The following BAZ1B variants were observed in gnomAD, a reference collection of about 807,000 sequenced individuals.
BAZ1B encodes the protein tyrosine-protein kinase BAZ1B.
A neutral mutation model predicts 153.8 loss-of-function variants in BAZ1B; 22 were observed. The ratio of observed to expected loss-of-function variants is 0.14; its 90% confidence interval spans 0.10 to 0.20. The LOEUF (loss-of-function observed/expected upper bound fraction) is 0.20. Among genes scored for constraint, BAZ1B ranks in the 10% least tolerant of loss-of-function variants. BAZ1B has a pLI of 1.00. For missense variants in BAZ1B, 1,325 were observed against 1,799.3 expected, an observed-to-expected ratio of 0.74 and a Z score of 4.77; for synonymous variants, 676 against 633.4, an observed-to-expected ratio of 1.07 and a Z score of -1.01.
intron 3 of BAZ1B, among the ~76,000 whole-genome samples, chr7:73,505,857 G>A (rs564455026): frequency 1.3e-5 from 2 of 152,110 alleles, no homozygotes; most frequent in African/African-American, 4.8e-5. Context: ...AGCCAAGAAC[G>A]CATTTTCAGT....
At chr7:73,478,881 T>A (rs1470883944) in intron 6 of BAZ1B, among the ~76,000 whole-genome samples, 4 of 152,200 alleles carry the variant, frequency 2.6e-5, no homozygotes, top group African/African-American at 7.2e-5. Context: ...GCAGAAATAG[T>A]AGACAAAAAC....
At position 73,498,586 on chromosome 7, in the gene BAZ1B, C is replaced by T; in HGVS notation, c.482G>A (p.Ser161Asn). Residue 161 changes from serine (S) to asparagine (N), a missense_variant, in exon 4 of 20, where the codon AGT (serine) becomes AAT (asparagine). Physicochemically the swap from Ser to Asn is conservative, Grantham distance 46. Around this residue, in one of 9 missense-constraint regions of BAZ1B, gnomAD observed 153 missense variants for 204.8 expected, o/e 0.75. Transcript: ENST00000339594. ...AATCTGACTGGAGTTCTCTTTGTCA[C>T]TTGATGGAGAATCACAGGCACCATC... ...KSDGACDSPSSDKENSSQIAQ... is the reference protein window; with the variant it reads ...KSDGACDSPSNDKENSSQIAQ... The T allele has an allele frequency of 1.2e-6, 2 of 1,614,064 alleles. No homozygotes were observed. Among genetic ancestry groups the T allele is most frequent in the Non-Finnish European group, 1.7e-6 (2 of 1,179,984 alleles).
At chr7:73,465,567 T>TC in intron 10 of BAZ1B, 30 bp from the exon 11 acceptor site, 1 of 1,358,180 alleles carries the variant, frequency 7.4e-7, no homozygotes, top group Non-Finnish European at 1.0e-6. Flanking sequence ...CTGATAACTC[T>TC]GAAAAAAAAA....
intron 10 of BAZ1B, among the ~76,000 whole-genome samples, chr7:73,465,933 TA>T (rs1554571111): frequency 6.6e-6 from 1 of 152,140 alleles, no homozygotes; most frequent in African/African-American, 2.4e-5. Context: ...GAAATGCGCA[TA>T]AAGGAAACGA....
chr7:73,514,909 G>A (rs1415753061), intron 1 of BAZ1B, among the ~76,000 whole-genome samples: 2 of 151,588 alleles, frequency 1.3e-5, no homozygotes, highest in Non-Finnish European at 2.9e-5. Context: ...GTGAAACCCT[G>A]TCTCTACTAA....
chr7:73,465,407 A>T, intron 11 of BAZ1B, 32 bp downstream of exon 11: 2 of 1,392,298 alleles, frequency 1.4e-6, no homozygotes, highest in South Asian at 1.3e-5. Context: ...AAAGAGAAGT[A>T]AGATGTGAGG....
chr7:73,447,227 CTG>C, intron 16 of BAZ1B, 35 bp downstream of exon 16: 1 of 1,612,732 alleles, frequency 6.2e-7, no homozygotes, highest in Non-Finnish European at 8.5e-7. Context: ...GCTTAGAAGA[CTG>C]TGAAATCAAC....
intron 1 of BAZ1B, among the ~76,000 whole-genome samples, chr7:73,512,805 ACTAT>A (rs1213952834): frequency 2.0e-5 from 3 of 152,216 alleles, no homozygotes; most frequent in Non-Finnish European, 2.9e-5. Context: ...CCTCTACAAT[ACTAT>A]CTAACAAATA....
chr7:73,506,127 A>G (rs1449000506), intron 3 of BAZ1B, among the ~76,000 whole-genome samples: 19 of 152,204 alleles, frequency 1.2e-4, no homozygotes, highest in Non-Finnish European at 2.5e-4. Flanking sequence ...AGCTGTTACA[A>G]GATTATACAG....
chr7:73,472,680 G>C (rs536184485), intron 7 of BAZ1B, among the ~76,000 whole-genome samples: 1 of 152,228 alleles, frequency 6.6e-6, no homozygotes, highest in East Asian at 1.9e-4. Flanking sequence ...AGGTTCAAGC[G>C]ATTCTCCTGC....
chr7:73,449,707 T>G lies in BAZ1B; in HGVS notation c.3581-18A>C. The G allele has an allele frequency of 6.2e-7, 1 of 1,612,574 alleles. No individual in the cohort carries two copies. Among genetic ancestry groups the G allele is most frequent in the Non-Finnish European group, 8.5e-7 (1 of 1,179,374 alleles). ...ATCCTCACCTGCAGAGAGATAAATG[T>G]GAATAGCATTGTTGGGAGCACAGCA... On this transcript the variant is annotated intron_variant, in intron 14 of 19. Coordinates refer to ENST00000339594, the MANE Select transcript of BAZ1B (RefSeq NM_032408.4).
intron 15 of BAZ1B, among the ~76,000 whole-genome samples, chr7:73,447,768 T>G (rs781900499): frequency 3.9e-5 from 6 of 152,184 alleles, no homozygotes; most frequent in African/African-American, 7.2e-5. Flanking sequence ...TGAGGTAGAC[T>G]GAAAAGAATA....
Position 73,477,168 on chromosome 7 carries a change from G to C in BAZ1B, c.2293C>G (p.His765Asp). The C allele has an allele frequency of 6.2e-7, 1 of 1,614,196 alleles. No individual in the cohort carries two copies. Among genetic ancestry groups the C allele is most frequent in the Non-Finnish European group, 8.5e-7 (1 of 1,180,048 alleles). Residue 765 changes from histidine (H) to aspartate (D), a missense_variant, in exon 7 of 20, where the codon CAC becomes GAC. Around this residue, in one of 9 missense-constraint regions of BAZ1B, gnomAD observed 431 missense variants for 563.5 expected, o/e 0.76. Coordinates refer to ENST00000339594, the MANE Select transcript of BAZ1B (RefSeq NM_032408.4). The surrounding 1 kb of genome is among the most constrained non-coding windows in gnomAD (Gnocchi z 5.6). Reference protein sequence around the residue: ...RILMTYSVQDHMETRQQMSAE... With the variant: ...RILMTYSVQDDMETRQQMSAE... ...GACATCTGCTGTCTGGTCTCCATGTGGTCTTGCACTGAGTATGTCATGAGG... is the reference window on the plus strand; with the variant it reads ...GACATCTGCTGTCTGGTCTCCATGTCGTCTTGCACTGAGTATGTCATGAGG...
chr7:73,476,360 C>G (rs1789000321), intron 7 of BAZ1B, among the ~76,000 whole-genome samples: 5 of 152,190 alleles, frequency 3.3e-5, no homozygotes, highest in Admixed American at 3.3e-4. Flanking sequence ...ATGGAGCCAT[C>G]AAAGCCCAAA....
rs1057440194 is a variant in BAZ1B at position 73,501,885 on chromosome 7, G to T, written c.370-3187C>A. 8.2e-5 allele frequency among the ~76,000 whole-genome samples: 12 copies of T among 146,188 alleles called. No homozygotes were observed. The South Asian group carries it at 2.4e-3, about 29-fold the overall frequency. ...GCTTTTCTTTCATAGTTCTTATCAAGAATTTTTTTTTTTTTTTTTTTTTGA... is the reference window on the plus strand; with the variant it reads ...GCTTTTCTTTCATAGTTCTTATCAATAATTTTTTTTTTTTTTTTTTTTTGA... On this transcript the variant is annotated intron_variant, in intron 3 of 19. Transcript: ENST00000339594.
intron 6 of BAZ1B, among the ~76,000 whole-genome samples, chr7:73,487,164 A>G (rs1051536347): frequency 6.6e-6 from 1 of 152,202 alleles, no homozygotes; most frequent in Non-Finnish European, 1.5e-5. Flanking sequence ...ATTTCATAAC[A>G]TTAGTAAGTT....
chr7:73,489,493 C>A, intron 5 of BAZ1B, 102 bp from the exon 6 acceptor site: 1 of 1,194,794 alleles, frequency 8.4e-7, no homozygotes, highest in Admixed American at 2.0e-5. Context: ...AAAATTCCAT[C>A]TATATCAACA....
At chr7:73,515,042 A>AC (rs1359489400) in intron 1 of BAZ1B, among the ~76,000 whole-genome samples, 4 of 152,220 alleles carry the variant, frequency 2.6e-5, no homozygotes, top group Admixed American at 2.6e-4. Flanking sequence ...GCTGTACTCC[A>AC]CCCTGGATGA....
At chr7:73,511,634 T>G (rs1790583567) in intron 1 of BAZ1B, among the ~76,000 whole-genome samples, 1 of 151,944 alleles carries the variant, frequency 6.6e-6, no homozygotes, top group South Asian at 2.1e-4. Flanking sequence ...CAAAAACTCA[T>G]AAGAAAAAGT....
Sources: allele counts gnomAD v4.1 joint callset (sites outside exome capture counted in the v4.1 genomes callset), GRCh38; gene constraint gnomAD v4.1.1; regional missense constraint gnomAD v4.1.1; non-coding constraint Gnocchi (gnomAD v3.1); transcripts MANE v1.5; gene names NCBI Gene and HGNC (gene_info 2026-07-23, HGNC 2026-07-21).